Variants in PACSIN2 observed in about 807,000 individuals in gnomAD.
PACSIN2 encodes the protein protein kinase C and casein kinase substrate in neurons protein 2.
A neutral mutation model predicts 63.8 loss-of-function variants in PACSIN2; 25 were observed. The observed-to-expected ratio is 0.39, with a 90% CI of 0.29 to 0.55. The LOEUF is 0.55. Among genes scored for constraint, PACSIN2 ranks in the 20% least tolerant of loss-of-function variants. The probability of loss-of-function intolerance (pLI) is 0.62; values close to 1 mark genes in which losing one functional copy is unlikely to be tolerated. For synonymous variants in PACSIN2, 255 were observed against 256.2 expected, an observed-to-expected ratio of 1.00 and a Z score of 0.05; for missense variants, 518 against 646.9, an observed-to-expected ratio of 0.80 and a Z score of 2.16.
intron 1 of PACSIN2, among the ~76,000 whole-genome samples, chr22:42,919,938 TA>T (rs753694505): frequency 2.7e-3 from 361 of 132,434 alleles, no homozygotes; most frequent in Middle Eastern, 3.8e-3. Context: ...CCACCATCTC[TA>T]AAAAAAAAAA....
chr22:42,965,568 C>T (rs1352485298), intron 1 of PACSIN2, among the ~76,000 whole-genome samples: 1 of 152,206 alleles, frequency 6.6e-6, no homozygotes, highest in Non-Finnish European at 1.5e-5. Context: ...TAACCAAGAA[C>T]CACAAAGTGC....
chr22:42,968,597 T>C (rs571166376), intron 1 of PACSIN2, among the ~76,000 whole-genome samples: 25 of 152,312 alleles, frequency 1.6e-4, no homozygotes, highest in African/African-American at 6.0e-4. Context: ...AAGCCTGATT[T>C]TGGGGTGTGT....
intron 1 of PACSIN2, among the ~76,000 whole-genome samples, chr22:42,992,053 T>G (rs151146297): frequency 6.8e-4 from 103 of 152,298 alleles, no homozygotes; most frequent in Admixed American, 1.2e-3. Flanking sequence ...CAAAAGATAC[T>G]GTTAAAAGAA....
chr22:42,919,765 C>T (rs1807568), intron 1 of PACSIN2, among the ~76,000 whole-genome samples: 76,373 of 119,406 alleles, frequency 0.64, 25,605 homozygotes, highest in African/African-American at 0.84. Flanking sequence ...AGAGCAAGAA[C>T]CTGTCTCAAA....
Position 42,871,235 on chromosome 22 carries a change from A to C in PACSIN2, c.*122T>G, listed in dbSNP as rs1037889914. The C allele has an allele frequency of 1.0e-5, 7 of 680,326 alleles. No homozygotes were observed. Among genetic ancestry groups the C allele is most frequent in the Admixed American group, 2.1e-5 (1 of 47,090 alleles). 42.1% of individuals were successfully genotyped at this position (680,326 alleles called of 1,614,324 possible). ...ACCAGCTCATCTGCCTTCCAGGAAC[A>C]CCATGAAGCCAAGAGCAATGGAACC... On this transcript the variant is annotated 3_prime_UTR_variant, in exon 11 of 11. Coordinates refer to ENST00000263246, the MANE Select transcript of PACSIN2 (RefSeq NM_001184970.3). The surrounding 1 kb of genome is among the most constrained non-coding windows in gnomAD (Gnocchi z 5.4).
chr22:42,920,755 G>C (rs959255762), intron 1 of PACSIN2, among the ~76,000 whole-genome samples: 5 of 151,106 alleles, frequency 3.3e-5, no homozygotes, highest in African/African-American at 1.2e-4. Context: ...AAAGTTGTGA[G>C]TGGCAGGGGT....
chr22:42,963,529 C>CT (rs1384779507), intron 1 of PACSIN2, among the ~76,000 whole-genome samples: 3 of 152,214 alleles, frequency 2.0e-5, no homozygotes, highest in Non-Finnish European at 4.4e-5. Context: ...GCTGCTGCTT[C>CT]TATCTGAGGC....
chr22:42,889,537 G>A (rs1929753149), intron 4 of PACSIN2, among the ~76,000 whole-genome samples: 1 of 152,168 alleles, frequency 6.6e-6, no homozygotes. Context: ...GAAGAGAAAG[G>A]AGATGTGACA....
chr22:42,929,259 T>C (rs1274729396), intron 1 of PACSIN2, among the ~76,000 whole-genome samples: 1 of 152,230 alleles, frequency 6.6e-6, no homozygotes, highest in Non-Finnish European at 1.5e-5. Flanking sequence ...CCACATCACA[T>C]AAATTACTTA....
chr22:42,904,936 C>T (rs773468904), intron 2 of PACSIN2, among the ~76,000 whole-genome samples: 1 of 152,188 alleles, frequency 6.6e-6, no homozygotes, highest in Non-Finnish European at 1.5e-5. Context: ...GAGCTAAGCC[C>T]ACCACAGTCT....
At chr22:42,992,241 G>C (rs898743835) in intron 1 of PACSIN2, among the ~76,000 whole-genome samples, 1 of 152,208 alleles carries the variant, frequency 6.6e-6, no homozygotes, top group Non-Finnish European at 1.5e-5. Flanking sequence ...AAACCTACCA[G>C]AATGGCAAAA....
chr22:42,885,422 A>G (rs1277174969), intron 5 of PACSIN2, among the ~76,000 whole-genome samples: 1 of 151,906 alleles, frequency 6.6e-6, no homozygotes, highest in Non-Finnish European at 1.5e-5. Context: ...CCACCTATTT[A>G]TTGCAATTCT....
intron 1 of PACSIN2, among the ~76,000 whole-genome samples, chr22:42,916,040 G>A (rs1416032950): frequency 1.3e-5 from 2 of 152,082 alleles, no homozygotes; most frequent in African/African-American, 4.8e-5. Context: ...TGGAAGGCGG[G>A]AAATCCGAGC....
intron 1 of PACSIN2, among the ~76,000 whole-genome samples, chr22:42,913,975 AACAGAG>A (rs989463127): frequency 6.6e-6 from 1 of 152,254 alleles, no homozygotes; most frequent in South Asian, 2.1e-4. Flanking sequence ...GCTGTGCAGC[AACAGAG>A]ACAAAGTCCA....
chr22:42,941,584 TAGTG>T (rs1933160571), intron 1 of PACSIN2, among the ~76,000 whole-genome samples: 1 of 152,194 alleles, frequency 6.6e-6, no homozygotes, highest in Non-Finnish European at 1.5e-5. Flanking sequence ...GTAACCATCT[TAGTG>T]GGTGGGAAGT....
intron 1 of PACSIN2, among the ~76,000 whole-genome samples, chr22:42,985,524 A>G (rs1922543637): frequency 6.6e-6 from 1 of 152,190 alleles, no homozygotes; most frequent in African/African-American, 2.4e-5. Context: ...TGTCACCTTT[A>G]CAGCACCTAG....
chr22:42,940,784 C>T (rs774811408), intron 1 of PACSIN2, among the ~76,000 whole-genome samples: 1 of 152,104 alleles, frequency 6.6e-6, no homozygotes, highest in Non-Finnish European at 1.5e-5. Flanking sequence ...TGGAAAAGAC[C>T]CAAATGTGTC....
chr22:42,980,363 ACAC>A (rs1013395601), intron 1 of PACSIN2, among the ~76,000 whole-genome samples: 1 of 152,024 alleles, frequency 6.6e-6, no homozygotes, highest in Admixed American at 6.5e-5. Context: ...AAAATCAAAA[ACAC>A]TAGCTTGTCA....
chr22:42,927,049 G>C (rs571713014), intron 1 of PACSIN2, among the ~76,000 whole-genome samples: 1 of 152,250 alleles, frequency 6.6e-6, no homozygotes, highest in South Asian at 2.1e-4. Flanking sequence ...ATGTTGGCTA[G>C]CACAGAGCTG....
Sources: allele counts gnomAD v4.1 joint callset (sites outside exome capture counted in the v4.1 genomes callset), GRCh38; gene constraint gnomAD v4.1.1; non-coding constraint Gnocchi (gnomAD v3.1); transcripts MANE v1.5; gene names NCBI Gene and HGNC (gene_info 2026-07-23, HGNC 2026-07-21).